The following SLC49A4 variants were observed in gnomAD, a reference collection of about 807,000 sequenced individuals.
SLC49A4 encodes disrupted in renal cancer protein 2.
SLC49A4 carries 36 observed loss-of-function variants against 50.6 expected under a neutral mutation model. The ratio of observed to expected loss-of-function variants is 0.71; its 90% CI spans 0.55 to 0.94. The LOEUF (loss-of-function observed/expected upper bound fraction) is 0.94, where lower values mean the gene tolerates loss of function less well. SLC49A4 is among the 40% of genes least tolerant of loss of function. The pLI, the probability that SLC49A4 is intolerant of heterozygous loss-of-function variation, is 0.00. For missense variants in SLC49A4, 503 were observed against 605.7 expected, an observed-to-expected ratio of 0.83 and a Z score of 1.78; for synonymous variants, 248 against 241.2, an observed-to-expected ratio of 1.03 and a Z score of -0.26.
chr3:122,818,672 G>C (rs1195176390), intron 2 of SLC49A4, among the ~76,000 whole-genome samples: 1 of 152,168 alleles, frequency 6.6e-6, no homozygotes, highest in Non-Finnish European at 1.5e-5. Flanking sequence ...AACTGGGCTT[G>C]TTGGCTCACA....
At chr3:122,870,831 TA>T (rs1937187824) in intron 7 of SLC49A4, among the ~76,000 whole-genome samples, 2 of 131,328 alleles carry the variant, frequency 1.5e-5, no homozygotes, top group African/African-American at 5.4e-5. Context: ...ATAATAATAA[TA>T]ATAATAATAA....
chr3:122,878,337 A>G (rs989076911), intron 8 of SLC49A4, among the ~76,000 whole-genome samples: 2 of 152,202 alleles, frequency 1.3e-5, no homozygotes, highest in South Asian at 2.1e-4. Context: ...ACCTTCACCA[A>G]CCTCTTTATG....
rs777010267 is a variant in SLC49A4 at position 122,833,304 on chromosome 3, T to C, written c.704-13T>C. 5.6e-6 allele frequency: 9 copies of C among 1,610,056 alleles called. No homozygotes were observed. The African/African-American group carries it at 1.1e-4, about 19-fold the overall frequency. On this transcript the variant is annotated splice_polypyrimidine_tract_variant and intron_variant, in intron 3 of 8. Transcript: ENST00000261038. ...GTTTCCTGGTTAACATTTTACCTAT[T>C]TTTTTCTTTCAGAATTTGGAGTTGT...
chr3:122,879,236 A>G, intron 8 of SLC49A4, 27 bp from the exon 9 acceptor site: 3 of 1,553,226 alleles, frequency 1.9e-6, no homozygotes, highest in Non-Finnish European at 2.7e-6. Flanking sequence ...ATGAATGTTT[A>G]AAACTGCATG....
intron 4 of SLC49A4, among the ~76,000 whole-genome samples, chr3:122,837,764 G>A (rs1412790157): frequency 7.3e-5 from 11 of 151,440 alleles, no homozygotes; most frequent in African/African-American, 1.4e-4. Context: ...TACCATCAGA[G>A]TGAACAGGCA....
intron 7 of SLC49A4, among the ~76,000 whole-genome samples, chr3:122,867,834 A>G (rs1937139052): frequency 6.7e-6 from 1 of 149,738 alleles, no homozygotes; most frequent in South Asian, 2.1e-4. Context: ...ACAAAAAATT[A>G]GCCGGGCATG....
intron 7 of SLC49A4, among the ~76,000 whole-genome samples, chr3:122,871,554 T>A (rs1937196939): frequency 6.6e-6 from 1 of 152,162 alleles, no homozygotes; most frequent in Non-Finnish European, 1.5e-5. Flanking sequence ...GGATAAATTC[T>A]ACTCATTATT....
At chr3:122,865,748 A>G (rs887077648) in intron 7 of SLC49A4, among the ~76,000 whole-genome samples, 1 of 152,210 alleles carries the variant, frequency 6.6e-6, no homozygotes, top group Non-Finnish European at 1.5e-5. Flanking sequence ...AATAATTCCC[A>G]GTTAACTTTC....
Position 122,879,274 on chromosome 3 carries a change from T to C in SLC49A4, c.1333T>C (p.Phe445Leu). The change falls in exon 9 of 9, where the codon TTC becomes CTC. Residue 445 changes from phenylalanine (F) to leucine (L), a missense_variant. By Grantham distance (22) the Phe-to-Leu change is conservative. Coordinates refer to ENST00000261038, the MANE Select transcript of SLC49A4 (RefSeq NM_032839.3). ...LTFYHTELSW[F>L]NWCLPGSCLL... ...TTTTTGTCTTACAGAGTTGTCTTGG[T>C]TCAACTGGTGCCTTCCCGGGTCGTG... 1 of 1,613,954 alleles carries C rather than the reference T, an allele frequency of 6.2e-7. No individual in the cohort carries two copies. Among genetic ancestry groups the C allele is most frequent in the East Asian group, 2.2e-5 (1 of 44,868 alleles).
intron 5 of SLC49A4, among the ~76,000 whole-genome samples, chr3:122,850,921 C>T (rs1233736893): frequency 6.6e-6 from 1 of 152,106 alleles, no homozygotes; most frequent in Non-Finnish European, 1.5e-5. Flanking sequence ...GTCATCTTTC[C>T]TACCTTCTGG....
At chr3:122,857,427 G>T (rs2107578656) in intron 6 of SLC49A4, among the ~76,000 whole-genome samples, 1 of 151,940 alleles carries the variant, frequency 6.6e-6, no homozygotes, top group Non-Finnish European at 1.5e-5. Flanking sequence ...ACAAAATTAG[G>T]CAATCAACTT....
chr3:122,869,468 A>G (rs1937166814), intron 7 of SLC49A4, among the ~76,000 whole-genome samples: 1 of 152,096 alleles, frequency 6.6e-6, no homozygotes. Flanking sequence ...TAACCAACCA[A>G]CACCGCCCCC....
intron 2 of SLC49A4, 60 bp downstream of exon 2, chr3:122,807,010 TAAG>T (rs1227239319): frequency 1.8e-5 from 18 of 1,027,446 alleles, no homozygotes; most frequent in Non-Finnish European, 2.5e-5. Context: ...TATAAATTTT[TAAG>T]AAGATCAGTA....
chr3:122,856,105 C>T (rs948301431), intron 5 of SLC49A4, among the ~76,000 whole-genome samples: 4 of 152,056 alleles, frequency 2.6e-5, no homozygotes, highest in African/African-American at 9.7e-5. Context: ...TGTTTGATGA[C>T]GTTGATTATT....
At chr3:122,810,220 T>C (rs1936279995) in intron 2 of SLC49A4, among the ~76,000 whole-genome samples, 1 of 152,230 alleles carries the variant, frequency 6.6e-6, no homozygotes, top group African/African-American at 2.4e-5. Context: ...AAGCTCTTCC[T>C]AATGGTGTTC....
chr3:122,854,607 G>A (rs1352056885), intron 5 of SLC49A4, among the ~76,000 whole-genome samples: 1 of 152,202 alleles, frequency 6.6e-6, no homozygotes, highest in Non-Finnish European at 1.5e-5. Flanking sequence ...CATGGAGGAG[G>A]CATACACCTT....
chr3:122,875,821 A>G (rs879592457), intron 8 of SLC49A4, among the ~76,000 whole-genome samples: 6 of 152,148 alleles, frequency 3.9e-5, no homozygotes, highest in Admixed American at 3.9e-4. Flanking sequence ...AAATGACCAT[A>G]ATGGAATATC....
chr3:122,849,602 A>G (rs1936899119), intron 5 of SLC49A4, among the ~76,000 whole-genome samples: 1 of 151,538 alleles, frequency 6.6e-6, no homozygotes, highest in African/African-American at 2.4e-5. Context: ...CTTTTTGTAT[A>G]TTTGTTGGCC....
chr3:122,849,124 C>T (rs1247055868), intron 5 of SLC49A4, among the ~76,000 whole-genome samples: 2 of 152,134 alleles, frequency 1.3e-5, no homozygotes, highest in Non-Finnish European at 2.9e-5. Context: ...CATGTTGCTG[C>T]AAATAACAGG....
Sources: gnomAD v4.1 joint callset for allele counts (sites outside exome capture counted in the v4.1 genomes callset) on GRCh38, gnomAD v4.1.1 for gene constraint, MANE v1.5 for transcripts, NCBI Gene and HGNC (gene_info 2026-07-23, HGNC 2026-07-21) for gene names.